Variants in NUSAP1 observed in about 807,000 individuals in gnomAD.
The protein encoded by NUSAP1 is nucleolar and spindle associated protein 1.
Under a neutral mutation model 52.8 loss-of-function variants are expected in NUSAP1, and 32 were observed. The observed-to-expected ratio is 0.61, with a 90% CI of 0.46 to 0.81. The LOEUF (loss-of-function observed/expected upper bound fraction) is 0.81, where lower values mean the gene tolerates loss of function less well. Among genes scored for constraint, NUSAP1 ranks in the 40% least tolerant of loss-of-function variants. NUSAP1 has a pLI of 0.00. For missense variants in NUSAP1, 499 were observed against 522.3 expected (o/e 0.96, Z 0.43); for synonymous variants, 195 against 183.1 (o/e 1.06, Z -0.52).
At chr15:41,376,224 C>G (rs576041708) in intron 9 of NUSAP1, among the ~76,000 whole-genome samples, 1 of 150,754 alleles carries the variant, frequency 6.6e-6, no homozygotes, top group Admixed American at 6.6e-5. Flanking sequence ...GGTGAAACCC[C>G]GTCTCTTCTG....
chr15:41,377,240 A>G lies in NUSAP1; in HGVS notation c.1168A>G (p.Asn390Asp). ...GCAATCTAAAGAAAATAATTATCTA[A>G]ATCAACATGTCAACAGAATTAACTT... Reference protein sequence around the residue: ...WGQSKENNYLNQHVNRINFYK... With the variant: ...WGQSKENNYLDQHVNRINFYK... Residue 390 changes from asparagine to aspartate, a missense_variant, in exon 10 of 11, where the codon AAT becomes GAT. Coordinates refer to ENST00000559596, the MANE Select transcript of NUSAP1 (RefSeq NM_016359.5). 6.5e-7 allele frequency: 1 copy of G among 1,542,422 alleles called. No homozygotes were observed. The highest frequency in any genetic ancestry group is 8.8e-7 in the Non-Finnish European group (1 of 1,141,674).
intron 9 of NUSAP1, among the ~76,000 whole-genome samples, chr15:41,376,154 G>A (rs534042092): frequency 6.6e-6 from 1 of 152,294 alleles, no homozygotes; most frequent in African/African-American, 2.4e-5. Context: ...CAGCACTTTT[G>A]GGAGGCTGAG....
At position 41,365,906 on chromosome 15, in the gene NUSAP1, G is replaced by T. The variant is rs1769618758; in HGVS notation, c.848+317G>T. 1.8e-5 allele frequency: 3 copies of T among 165,546 alleles called. No homozygotes were observed. In the Admixed American group the frequency reaches 1.9e-4, roughly 10 times the overall value. 10.3% of individuals were successfully genotyped at this position (165,546 alleles called of 1,614,324 possible). ...CGGCTAATTTTTTGTATTTTTAGTAGAGACGGGCTTTCATCATGTTAGCCA... is the reference window on the plus strand; with the variant it reads ...CGGCTAATTTTTTGTATTTTTAGTATAGACGGGCTTTCATCATGTTAGCCA... On this transcript the variant is annotated intron_variant, in intron 7 of 10. Coordinates refer to ENST00000559596, the MANE Select transcript of NUSAP1 (RefSeq NM_016359.5).
Position 41,372,191 on chromosome 15 carries a change from C to T in NUSAP1, c.1006+507C>T, listed in dbSNP as rs76400681. Among the ~76,000 whole-genome samples, 1,091 of 152,226 alleles carry T rather than the reference C, an allele frequency of 7.2e-3. 19 individuals are homozygous for T. Among genetic ancestry groups the T allele is most frequent in the African/African-American group, 0.024 (1,013 of 41,550 alleles). ...GACATAAGCAAAAACCAGATATCTG[C>T]CTGAGAGCTCCATCTAATCCTAAAA... On this transcript the variant is annotated intron_variant, in intron 8 of 10. Transcript: ENST00000559596.
At chr15:41,361,518 G>A (rs1463705371) in intron 6 of NUSAP1, among the ~76,000 whole-genome samples, 1 of 152,026 alleles carries the variant, frequency 6.6e-6, no homozygotes, top group African/African-American at 2.4e-5. Flanking sequence ...CCCCAGTGTT[G>A]AAGACCAACC....
In NUSAP1 at chr15:41,378,959, T is replaced by TG. The variant is rs1300572913; in HGVS notation, c.1233-1134_1233-1133insG. Among the ~76,000 whole-genome samples, 27 of 115,546 alleles carry TG rather than the reference T, an allele frequency of 2.3e-4. No homozygotes were observed. The East Asian group carries it at 5.6e-3, about 24-fold the overall frequency. The allele number at this position is 115,546 out of a possible 152,430, so 75.8% of individuals were successfully genotyped here. A position where few individuals can be genotyped will look rare whatever the true frequency, so the allele number is the denominator to read the frequency against. On this transcript the variant is annotated intron_variant, in intron 10 of 10. Transcript: ENST00000559596. ...ACTTATCTTGGTTTTTTTTTTTTTT[T>TG]TTTTTTTTTTTTGAGATGGAGTCTC...
Position 41,358,064 on chromosome 15 carries a change from G to C in NUSAP1, c.551-85G>C, listed in dbSNP as rs988552252. On this transcript the variant is annotated intron_variant, in intron 5 of 10. Transcript: ENST00000559596. ...AGTTGAATGTCAGGGATGCAAAGAAGAGAATAAGTGTTAACAGAAAAACAC... is the reference window on the plus strand; with the variant it reads ...AGTTGAATGTCAGGGATGCAAAGAACAGAATAAGTGTTAACAGAAAAACAC... The C allele has an allele frequency of 9.0e-5, 52 of 577,732 alleles. No homozygotes were observed. In the African/African-American group the frequency reaches 9.1e-4, roughly 10 times the overall value. The allele number at this position is 577,732 out of a possible 1,614,324, so 35.8% of individuals were successfully genotyped here.
intron 7 of NUSAP1, among the ~76,000 whole-genome samples, chr15:41,366,304 T>C (rs1163169456): frequency 6.6e-6 from 1 of 151,154 alleles, no homozygotes; most frequent in African/African-American, 2.4e-5. Context: ...TTTTTTTTTT[T>C]TCTTCATTCA....
In NUSAP1 at chr15:41,380,754, T is replaced by C. The variant is rs2050176084; in HGVS notation, c.*568T>C. ...CAAATATCCTCATGTAATTGCCATC[T>C]GTCACTCACTATATTCACAAAAATA... On this transcript the variant is annotated 3_prime_UTR_variant, in exon 11 of 11. Transcript: ENST00000559596. 1 of 152,334 alleles carries C rather than the reference T, an allele frequency of 6.6e-6. No homozygotes were observed. Among genetic ancestry groups the C allele is most frequent in the Admixed American group, 6.5e-5 (1 of 15,268 alleles). The allele number at this position is 152,334 out of a possible 1,614,324, so 9.4% of individuals were successfully genotyped here. A position where few individuals can be genotyped will look rare whatever the true frequency, so the allele number is the denominator to read the frequency against.
At position 41,332,910 on chromosome 15, in the gene NUSAP1, G is replaced by A; in HGVS notation, c.-48G>A. 4 of 1,459,788 alleles carry A rather than the reference G, an allele frequency of 2.7e-6. No homozygotes were observed. Among genetic ancestry groups the A allele is most frequent in the South Asian group, 1.2e-5 (1 of 84,002 alleles). The allele number at this position is 1,459,788 out of a possible 1,614,324, so 90.4% of individuals were successfully genotyped here. A position where few individuals can be genotyped will look rare whatever the true frequency, so the allele number is the denominator to read the frequency against. ...CGCCAGGGATTTGAACCGCGCTGAC[G>A]AAGTTTGGTGATCCATCTTCCGAGT... On this transcript the variant is annotated 5_prime_UTR_variant, in exon 1 of 11. Coordinates refer to ENST00000559596, the MANE Select transcript of NUSAP1 (RefSeq NM_016359.5).
intron 10 of NUSAP1, 94 bp from the exon 11 acceptor site, chr15:41,379,999 G>T: frequency 3.6e-6 from 3 of 824,894 alleles, no homozygotes; most frequent in Non-Finnish European, 5.9e-6. Context: ...GGATGTCATT[G>T]CTTGGAAGTT....
At chr15:41,333,100 G>T in intron 1 of NUSAP1, 50 bp downstream of exon 1, 2 of 1,417,904 alleles carry the variant, frequency 1.4e-6, no homozygotes, top group Non-Finnish European at 2.0e-6. Flanking sequence ...GGGAATAGCG[G>T]CCTCGGGGAG....
chr15:41,365,599 T>C lies in NUSAP1; in HGVS notation c.848+10T>C, dbSNP rs768846843. On this transcript the variant is annotated intron_variant, in intron 7 of 10. Coordinates refer to ENST00000559596, the MANE Select transcript of NUSAP1 (RefSeq NM_016359.5). ...CTAAAACGGGTGTCAGGTAAAGAAATCACTCCAAAATGTAATCATGAACAA... is the reference window on the plus strand; with the variant it reads ...CTAAAACGGGTGTCAGGTAAAGAAACCACTCCAAAATGTAATCATGAACAA... 3.2e-6 allele frequency: 5 copies of C among 1,581,770 alleles called. No individual in the cohort carries two copies. The highest frequency in any genetic ancestry group is 4.3e-6 in the Non-Finnish European group (5 of 1,160,306).
At chr15:41,333,141 C>T in intron 1 of NUSAP1, 91 bp downstream of exon 1, 1 of 951,292 alleles carries the variant, frequency 1.1e-6, no homozygotes, top group Non-Finnish European at 1.6e-6. Flanking sequence ...GAGGGAAGCC[C>T]GGGACTGAGG....
intron 2 of NUSAP1, 127 bp from the exon 3 acceptor site, chr15:41,348,971 C>T (rs534984401): frequency 1.1e-5 from 10 of 879,646 alleles, no homozygotes; most frequent in East Asian, 5.5e-5. Flanking sequence ...TACAATTTAC[C>T]GCTAGAGAGT....
intron 7 of NUSAP1, among the ~76,000 whole-genome samples, chr15:41,370,746 T>C: frequency 2.1e-5 from 2 of 94,948 alleles, no homozygotes; most frequent in Admixed American, 1.3e-4. Flanking sequence ...CAAAACTCCA[T>C]CTCAAAAAAA....
intron 10 of NUSAP1, among the ~76,000 whole-genome samples, chr15:41,379,110 C>T (rs2050110890): frequency 6.6e-6 from 1 of 151,474 alleles, no homozygotes; most frequent in African/African-American, 2.4e-5. Context: ...CCCGCCCCCG[C>T]GTGCAGCTAA....
intron 10 of NUSAP1, among the ~76,000 whole-genome samples, 153 bp from the exon 11 acceptor site, chr15:41,379,940 C>T (rs746220159): frequency 1.3e-5 from 2 of 152,100 alleles, no homozygotes; most frequent in Admixed American, 6.6e-5. Flanking sequence ...GTTAGAAACA[C>T]TAGGCAGAGC....
intron 4 of NUSAP1, among the ~76,000 whole-genome samples, chr15:41,352,747 G>A (rs1292168254): frequency 6.6e-6 from 1 of 152,036 alleles, no homozygotes; most frequent in African/African-American, 2.4e-5. Context: ...AGTAGAGACA[G>A]GGTTTCACCA....
Sources: gnomAD v4.1 joint callset for allele counts (sites outside exome capture counted in the v4.1 genomes callset) on GRCh38, gnomAD v4.1.1 for gene constraint, MANE v1.5 for transcripts, NCBI Gene and HGNC (gene_info 2026-07-23, HGNC 2026-07-21) for gene names.